Variants in CCDC15 observed in about 807,000 individuals in gnomAD.
CCDC15 encodes the protein coiled-coil domain containing 15, also known as coiled-coil domain-containing protein 15.
CCDC15 carries 105 observed loss-of-function variants against 114.5 expected under a neutral mutation model. That is an observed-to-expected ratio of 0.92 (90% CI 0.78 to 1.08). The LOEUF (loss-of-function observed/expected upper bound fraction) is 1.08. Ranked by LOEUF, CCDC15 falls within the 50% of genes least tolerant of loss-of-function variation. CCDC15 has a pLI of 0.00. For missense variants in CCDC15, 1,105 were observed against 1,093.6 expected (o/e 1.01, Z -0.15); for synonymous variants, 334 against 377.8 (o/e 0.88, Z 1.34).
intron 13 of CCDC15, among the ~76,000 whole-genome samples, chr11:125,008,262 C>A (rs571820415): frequency 3.7e-4 from 57 of 152,214 alleles, no homozygotes; most frequent in Non-Finnish European, 7.9e-4. Flanking sequence ...TAGACTTATA[C>A]CTAAATCTTT....
chr11:124,974,641 G>T (rs1000566443), intron 4 of CCDC15, among the ~76,000 whole-genome samples: 1 of 152,100 alleles, frequency 6.6e-6, no homozygotes, highest in African/African-American at 2.4e-5. Flanking sequence ...GTAAATTGGG[G>T]ATAAAAGGGC....
chr11:125,025,013 T>TACATATGA (rs1948686130), intron 13 of CCDC15, among the ~76,000 whole-genome samples: 1 of 139,626 alleles, frequency 7.2e-6, no homozygotes, highest in Non-Finnish European at 1.5e-5. Flanking sequence ...TATATATGAA[T>TACATATGA]ATATATATGA....
chr11:124,954,936 G>T, intron 2 of CCDC15, 27 bp downstream of exon 2: 2 of 1,608,592 alleles, frequency 1.2e-6, no homozygotes, highest in Non-Finnish European at 1.7e-6. Flanking sequence ...TCCAAATATG[G>T]TGGGGTTCCC....
At chr11:125,031,251 A>C (rs1312184106) in intron 13 of CCDC15, among the ~76,000 whole-genome samples, 1 of 152,254 alleles carries the variant, frequency 6.6e-6, no homozygotes, top group Admixed American at 6.5e-5. Flanking sequence ...CATATCGTGC[A>C]GAACCATCTG....
chr11:124,985,146 T>A (rs1247169765), intron 6 of CCDC15, among the ~76,000 whole-genome samples: 1 of 152,242 alleles, frequency 6.6e-6, no homozygotes, highest in African/African-American at 2.4e-5. Context: ...TGCATAATGT[T>A]TTAAAGTTCA....
intron 4 of CCDC15, 114 bp downstream of exon 4, chr11:124,960,117 C>A: frequency 1.3e-5 from 8 of 609,282 alleles, no homozygotes; most frequent in South Asian, 6.6e-5. Flanking sequence ...CTCAGCTTCA[C>A]TTTTGATAAT....
Position 125,040,882 on chromosome 11 carries a change from T to C in CCDC15, c.*171T>C, listed in dbSNP as rs10893316. ...TTTAATCTCTGTCTGGGAACCAAGA[T>C]TGAAAGCTGACTTACTTCTCTCTTC... On this transcript the variant is annotated 3_prime_UTR_variant, in exon 16 of 16. Transcript: ENST00000344762. The C allele has an allele frequency of 0.051, 33,056 of 645,032 alleles. 1,085 individuals carry two copies. Among genetic ancestry groups the C allele is most frequent in the African/African-American group, 0.11 (5,818 of 54,766 alleles). 40.0% of individuals were successfully genotyped at this position (645,032 alleles called of 1,614,324 possible). A position where few individuals can be genotyped will look rare whatever the true frequency, so the allele number is the denominator to read the frequency against.
chr11:124,993,399 C>T (rs78274484), intron 11 of CCDC15, among the ~76,000 whole-genome samples, 156 bp downstream of exon 11: 2,087 of 152,146 alleles, frequency 0.014, 57 homozygotes, highest in African/African-American at 0.048. Context: ...TTAGTAATAA[C>T]GGGCAAAGAA....
At chr11:125,007,370 A>G (rs1236518467) in intron 13 of CCDC15, among the ~76,000 whole-genome samples, 1 of 152,186 alleles carries the variant, frequency 6.6e-6, no homozygotes, top group Non-Finnish European at 1.5e-5. Context: ...ATTTAACATA[A>G]TGACTTCCAG....
intron 15 of CCDC15, 135 bp from the exon 16 acceptor site, chr11:125,040,455 G>A (rs531975166): frequency 7.2e-5 from 54 of 747,206 alleles, no homozygotes; most frequent in South Asian, 5.5e-4. Context: ...CATATAGTAA[G>A]TACTGAATAA....
intron 1 of CCDC15, 72 bp downstream of exon 1, chr11:124,954,442 T>C (rs977647174): frequency 2.1e-4 from 58 of 271,198 alleles, no homozygotes; most frequent in African/African-American, 1.0e-3. Flanking sequence ...CGCCCACAGC[T>C]GAGGACAGTC....
chr11:124,986,719 G>A lies in CCDC15; in HGVS notation c.754-23G>A, dbSNP rs373279319. On this transcript the variant is annotated intron_variant, in intron 6 of 15. Coordinates refer to ENST00000344762, the MANE Select transcript of CCDC15 (RefSeq NM_025004.3). ...TGTGTGTGCGCGCGCGCGCGTGCGC[G>A]TTTTCATTGTTTTTTTCTTTAGGAA... is the stretch of plus-strand genomic sequence containing the variant. 7.7e-5 allele frequency: 118 copies of A among 1,532,862 alleles called. No homozygotes were observed. The African/African-American group carries it at 9.8e-4, about 13-fold the overall frequency. The allele number at this position is 1,532,862 out of a possible 1,614,324, so 95.0% of individuals were successfully genotyped here. A position where few individuals can be genotyped will look rare whatever the true frequency, so the allele number is the denominator to read the frequency against.
At chr11:124,994,485 A>T (rs1387123792) in intron 11 of CCDC15, among the ~76,000 whole-genome samples, 1 of 152,180 alleles carries the variant, frequency 6.6e-6, no homozygotes, top group Non-Finnish European at 1.5e-5. Flanking sequence ...TGTCCATTTG[A>T]AAAACTATAT....
At chr11:124,997,785 T>C (rs566486524) in intron 11 of CCDC15, among the ~76,000 whole-genome samples, 2 of 152,058 alleles carry the variant, frequency 1.3e-5, no homozygotes, top group South Asian at 2.1e-4. Flanking sequence ...CTACTAAAAA[T>C]ATAAAAATTA....
intron 4 of CCDC15, among the ~76,000 whole-genome samples, chr11:124,966,734 C>A (rs1947790722): frequency 6.6e-6 from 1 of 152,170 alleles, no homozygotes; most frequent in African/African-American, 2.4e-5. Flanking sequence ...TTCTTCCTAG[C>A]ATCGATGGTC....
At chr11:125,033,569 A>T (rs766040766) in intron 13 of CCDC15, among the ~76,000 whole-genome samples, 24 of 152,134 alleles carry the variant, frequency 1.6e-4, no homozygotes, top group Non-Finnish European at 2.2e-4. Flanking sequence ...GGTTAAGGAT[A>T]TATCTTCTGG....
intron 6 of CCDC15, among the ~76,000 whole-genome samples, chr11:124,984,177 G>A (rs899780330): frequency 6.6e-6 from 1 of 152,154 alleles, no homozygotes; most frequent in Admixed American, 6.5e-5. Flanking sequence ...ACACACATGT[G>A]AGTAAAATGA....
chr11:125,040,492 T>G (rs1409971613), intron 15 of CCDC15, 98 bp from the exon 16 acceptor site: 1 of 1,097,784 alleles, frequency 9.1e-7, no homozygotes, highest in Non-Finnish European at 1.3e-6. Flanking sequence ...TAGTTACTTG[T>G]AAGACTCTTG....
intron 4 of CCDC15, among the ~76,000 whole-genome samples, chr11:124,970,529 A>G (rs1340899640): frequency 6.6e-6 from 1 of 152,168 alleles, no homozygotes; most frequent in Non-Finnish European, 1.5e-5. Context: ...ATAGAATTCA[A>G]CTTTGATTAG....
Sources: allele counts gnomAD v4.1 joint callset (sites outside exome capture counted in the v4.1 genomes callset), GRCh38; gene constraint gnomAD v4.1.1; transcripts MANE v1.5; gene names NCBI Gene and HGNC (gene_info 2026-07-23, HGNC 2026-07-21).